MAG: variants seen among roughly 807,000 people sequenced by gnomAD.
The protein encoded by MAG is myelin-associated glycoprotein.
In MAG, 30 loss-of-function variants were observed where a neutral mutation model predicts 60.7. The ratio of observed to expected loss-of-function variants is 0.49; its 90% CI spans 0.37 to 0.67. The LOEUF (loss-of-function observed/expected upper bound fraction) is 0.67. MAG is among the 30% of genes least tolerant of loss of function. The pLI is 0.00. For synonymous variants in MAG, 384 were observed against 376.8 expected (o/e 1.02, Z -0.22); for missense variants, 795 against 851.7 (o/e 0.93, Z 0.83).
At chr19:35,304,476 C>T (rs548741941) in intron 7 of MAG, among the ~76,000 whole-genome samples, 9 of 152,250 alleles carry the variant, frequency 5.9e-5, no homozygotes, top group African/African-American at 1.4e-4. Context: ...GCGTTAGGGG[C>T]CTGCCCTGGG....
chr19:35,302,182 C>T (rs2066453345), intron 6 of MAG, among the ~76,000 whole-genome samples: 1 of 152,124 alleles, frequency 6.6e-6, no homozygotes, highest in Admixed American at 6.6e-5. Flanking sequence ...GCCCATTTTC[C>T]AGATGAGAAA....
rs752884312 is a variant in MAG at position 35,313,270 on chromosome 19, T to G, written c.1717-20T>G. 2 of 1,608,498 alleles carry G rather than the reference T, an allele frequency of 1.2e-6. No homozygotes were observed. The highest frequency in any genetic ancestry group is 1.7e-6 in the Non-Finnish European group (2 of 1,177,464). On this transcript the variant is annotated intron_variant, in intron 10 of 10. Coordinates refer to ENST00000392213, the MANE Select transcript of MAG (RefSeq NM_002361.4). ...AAGGCAGGGAGCAGGACCCTGCTAA[T>G]GGGCGGTTTCCCCTCTTAGAGCGAG...
At chr19:35,309,725 G>C (rs1390094037) in intron 7 of MAG, 149 bp from the exon 8 acceptor site, 2 of 844,360 alleles carry the variant, frequency 2.4e-6, no homozygotes, top group East Asian at 4.9e-5. Context: ...AGTCAGGACA[G>C]AGAAAAAAGG....
At chr19:35,298,829 C>G (rs557930378) in intron 4 of MAG, among the ~76,000 whole-genome samples, 111 of 150,106 alleles carry the variant, frequency 7.4e-4, no homozygotes, top group Non-Finnish European at 1.5e-3. Context: ...ACATGTACTA[C>G]CCACACATCA....
At chr19:35,298,739 AC>A in intron 4 of MAG, among the ~76,000 whole-genome samples, 1 of 146,966 alleles carries the variant, frequency 6.8e-6, no homozygotes, top group Non-Finnish European at 1.5e-5. Flanking sequence ...CACACCACAC[AC>A]CACACACACC....
intron 8 of MAG, 71 bp from the exon 9 acceptor site, chr19:35,310,476 T>C (rs2066518774): frequency 6.1e-6 from 8 of 1,302,102 alleles, no homozygotes; most frequent in Non-Finnish European, 8.9e-6. Context: ...TCCCAGCATG[T>C]CTCCAAAGTT....
chr19:35,294,936 C>T (rs778318831), intron 2 of MAG, among the ~76,000 whole-genome samples: 38 of 152,174 alleles, frequency 2.5e-4, no homozygotes, highest in Non-Finnish European at 4.0e-4. Context: ...AGGGCTGAGA[C>T]CCCATCTCAA....
chr19:35,310,067 G>A lies in MAG; in HGVS notation c.1425G>A (p.Thr475=), dbSNP rs908743823. 2 of 1,613,478 alleles carry A rather than the reference G, an allele frequency of 1.2e-6. No homozygotes were observed. Among genetic ancestry groups the A allele is most frequent in the Admixed American group, 1.7e-5 (1 of 59,994 alleles). The change falls in exon 8 of 11, where the codon ACG becomes ACA. Residue 475 remains threonine, a synonymous_variant. Coordinates refer to ENST00000392213, the MANE Select transcript of MAG (RefSeq NM_002361.4). Reference sequence around the variant, plus strand: ...GCCTCGTGCTCACCAGCATCCTCACGCTGCGGGGGCAGGCCCAGGCCCCGC... The same window carrying A: ...GCCTCGTGCTCACCAGCATCCTCACACTGCGGGGGCAGGCCCAGGCCCCGC... ...RSGLVLTSIL[T]LRGQAQAPPR...
Position 35,293,728 on chromosome 19 carries a change from A to G in MAG, c.-79-507A>G, listed in dbSNP as rs1014931033. 3.3e-5 allele frequency among the ~76,000 whole-genome samples: 5 copies of G among 151,386 alleles called. No individual in the cohort carries two copies. The highest frequency in any genetic ancestry group is 1.2e-4 in the African/African-American group (5 of 41,164). On this transcript the variant is annotated intron_variant, in intron 1 of 10. Coordinates refer to ENST00000392213, the MANE Select transcript of MAG (RefSeq NM_002361.4). The surrounding 1 kb of genome is among the most constrained non-coding windows in gnomAD (Gnocchi z 4.0). The stretch of plus-strand genomic sequence containing the variant: ...CTGACCCCTTTCTTACTCCCCACTT[A>G]CCCTGAAAGCCCCCCGCAGGCTAAA...
In MAG at chr19:35,294,244, C is replaced by A. The variant is rs56138004; in HGVS notation, c.-70C>A. 3 of 434,398 alleles carry A rather than the reference C, an allele frequency of 6.9e-6. No homozygotes were observed. Among genetic ancestry groups the A allele is most frequent in the Admixed American group, 2.6e-5 (1 of 38,816 alleles). 26.9% of individuals were successfully genotyped at this position (434,398 alleles called of 1,614,324 possible). A position where few individuals can be genotyped will look rare whatever the true frequency, so the allele number is the denominator to read the frequency against. On this transcript the variant is annotated 5_prime_UTR_variant, in exon 2 of 11. Coordinates refer to ENST00000392213, the MANE Select transcript of MAG (RefSeq NM_002361.4). ...CTCTTGTTGCATGCAGGTTGTCTGG[C>A]GGCTTCAGGTGGACCCAGAAGACGT...
intron 8 of MAG, 27 bp downstream of exon 8, chr19:35,310,188 G>A (rs2066516900): frequency 2.5e-6 from 4 of 1,586,448 alleles, no homozygotes; most frequent in Non-Finnish European, 3.4e-6. Context: ...TGGGGTGGGA[G>A]CCACAGGAGG....
chr19:35,312,221 G>T (rs1324199766), intron 10 of MAG: 7 of 1,506,774 alleles, frequency 4.6e-6, no homozygotes, highest in Non-Finnish European at 6.5e-6. Flanking sequence ...TGGGACGTGG[G>T]GCCTAAGGGC....
rs184839897 is a variant in MAG at position 35,298,625 on chromosome 19, C to T, written c.416-929C>T. Among the ~76,000 whole-genome samples the T allele has an allele frequency of 3.9e-3, 593 of 151,254 alleles. 5 individuals are homozygous for T. Among genetic ancestry groups the T allele is most frequent in the Middle Eastern group, 0.017 (5 of 292 alleles). The stretch of plus-strand genomic sequence containing the variant: ...ACATGCACTACCCACACACCACACA[C>T]ATACCACACACTACACACAGCACAC... On this transcript the variant is annotated intron_variant, in intron 4 of 10. Coordinates refer to ENST00000392213, the MANE Select transcript of MAG (RefSeq NM_002361.4).
intron 4 of MAG, among the ~76,000 whole-genome samples, chr19:35,298,045 TAC>T (rs1401989368): frequency 9.6e-6 from 1 of 103,956 alleles, no homozygotes. Context: ...CCACATAAAC[TAC>T]ACACACAGTG....
In MAG at chr19:35,310,149, T is replaced by C; in HGVS notation, c.1507T>C (p.Phe503Leu). 6.2e-7 allele frequency: 1 copy of C among 1,605,526 alleles called. No individual in the cohort carries two copies. The highest frequency in any genetic ancestry group is 1.1e-5 in the South Asian group (1 of 90,748). ...TGGCGCCAAGAGCCTGGAGCTGCCC[T>C]TCCAGGGAGCCCGTGAGTGGCGTGG... The part of the protein sequence containing the change: ...LYGAKSLELP[F>L]QGAHRLMWAK... The change falls in exon 8 of 11, where the codon TTC (phenylalanine) becomes CTC (leucine). Residue 503 changes from phenylalanine (F) to leucine (L), a missense_variant. Transcript: ENST00000392213.
At chr19:35,301,015 G>T (rs2066444840) in intron 6 of MAG, among the ~76,000 whole-genome samples, 2 of 152,190 alleles carry the variant, frequency 1.3e-5, no homozygotes, top group South Asian at 4.1e-4. Context: ...CCCACAGGCA[G>T]GTGCCACCAC....
chr19:35,297,929 C>T (rs1182220396), intron 4 of MAG, among the ~76,000 whole-genome samples: 2 of 149,542 alleles, frequency 1.3e-5, no homozygotes, highest in African/African-American at 4.9e-5. Context: ...ACATCACACA[C>T]TGCACATGCT....
rs769099119 is a variant in MAG, at chr19:35,311,915, C to T, written c.1617-3C>T. The T allele has an allele frequency of 6.2e-7, 1 of 1,610,372 alleles. No individual in the cohort carries two copies. The highest frequency in any genetic ancestry group is 8.5e-7 in the Non-Finnish European group (1 of 1,177,646). ...GAGAGGTCTGACGAGTCCTGCCCTGCAGAAAGAACGTGACAGAGAGCCCCA... is the reference window on the plus strand; with the variant it reads ...GAGAGGTCTGACGAGTCCTGCCCTGTAGAAAGAACGTGACAGAGAGCCCCA... On this transcript the variant is annotated splice_polypyrimidine_tract_variant and splice_region_variant and intron_variant, in intron 9 of 10. Coordinates refer to ENST00000392213, the MANE Select transcript of MAG (RefSeq NM_002361.4).
chr19:35,302,666 C>T lies in MAG; in HGVS notation c.1189C>T (p.Gln397Ter). 1 of 1,614,088 alleles carries T rather than the reference C, an allele frequency of 6.2e-7. No individual in the cohort carries two copies. Among genetic ancestry groups the T allele is most frequent in the Non-Finnish European group, 8.5e-7 (1 of 1,180,032 alleles). ...DGEYWCVAEN[Q>*]YGQRATAFNL... ...AGAGTACTGGTGTGTGGCTGAGAAC[C>T]AGTATGGCCAGAGGGCCACCGCCTT... is the stretch of plus-strand genomic sequence containing the variant. Residue 397 changes from glutamine to a stop codon, truncating the protein, a stop_gained, in exon 7 of 11, where the codon CAG (glutamine) becomes TAG (stop). Coordinates refer to ENST00000392213, the MANE Select transcript of MAG (RefSeq NM_002361.4). LOFTEE classifies it high-confidence loss of function.
Sources: gnomAD v4.1 joint callset for allele counts (sites outside exome capture counted in the v4.1 genomes callset) on GRCh38, gnomAD v4.1.1 for gene constraint, Gnocchi (gnomAD v3.1) non-coding constraint, MANE v1.5 for transcripts, NCBI Gene and HGNC (gene_info 2026-07-23, HGNC 2026-07-21) for gene names.